The following NBAS variants were observed in gnomAD, a reference collection of about 807,000 sequenced individuals.
NBAS encodes the protein NBAS subunit of NRZ tethering complex, also known as NAG/BC035112 fusion.
A neutral mutation model predicts 302.5 loss-of-function variants in NBAS; 219 were observed. The ratio of observed to expected loss-of-function variants is 0.72; its 90% CI spans 0.65 to 0.81. NBAS has a LOEUF of 0.81. NBAS is among the 30% of genes least tolerant of loss of function. The pLI is 0.00. For missense variants in NBAS, 2,932 were observed against 2,841.6 expected, an observed-to-expected ratio of 1.03 and a Z score of -0.72; for synonymous variants, 1,118 against 1,021.6, an observed-to-expected ratio of 1.09 and a Z score of -1.80.
At chr2:15,241,881 T>C (rs888603599) in intron 44 of NBAS, among the ~76,000 whole-genome samples, 4 of 152,188 alleles carry the variant, frequency 2.6e-5, no homozygotes, top group Non-Finnish European at 5.9e-5. Context: ...TCTGGCTTCG[T>C]GGTATAATTG....
chr2:14,830,079 G>C, the NBAS span, among the ~76,000 whole-genome samples: 137 of 152,198 alleles, frequency 9.0e-4, no homozygotes, highest in Non-Finnish European at 3.2e-4. Context: ...TTTATTTCTT[G>C]ACGATCCCAT....
rs184492998 is a variant in NBAS, at chr2:15,380,490, A to G, written c.3361-659T>C. Among the ~76,000 whole-genome samples, 189 of 152,322 alleles carry G rather than the reference A, an allele frequency of 1.2e-3. No individual in the cohort carries two copies. In the Middle Eastern group the frequency reaches 0.031, roughly 25 times the overall value. ...ACTAAATAGCCACTCCACAAATGCT[A>G]TACTTACAACCAGTCATTAAAATTA... On this transcript the variant is annotated intron_variant, in intron 29 of 51. Transcript: ENST00000281513.
chr2:15,320,410 G>A (rs1348006084), intron 38 of NBAS, among the ~76,000 whole-genome samples: 6 of 152,094 alleles, frequency 3.9e-5, no homozygotes, highest in Non-Finnish European at 7.4e-5. Flanking sequence ...CAATCAGGCA[G>A]GAGAAGGAAA....
At chr2:15,225,581 A>T (rs1299055046) in intron 47 of NBAS, among the ~76,000 whole-genome samples, 1 of 152,248 alleles carries the variant, frequency 6.6e-6, no homozygotes, top group East Asian at 1.9e-4. Context: ...AGAGTTTAAT[A>T]AAGTCTGAAT....
intron 44 of NBAS, among the ~76,000 whole-genome samples, chr2:15,265,326 CCAAT>C (rs1190717563): frequency 2.6e-5 from 4 of 152,098 alleles, no homozygotes; most frequent in Non-Finnish European, 5.9e-5. Flanking sequence ...TGAACTTTGG[CCAAT>C]CACTCTCTAG....
chr2:14,901,973 ACAG>A, the NBAS span, among the ~76,000 whole-genome samples: 2 of 152,188 alleles, frequency 1.3e-5, no homozygotes, highest in African/African-American at 2.4e-5. Flanking sequence ...TCTCGCGATA[ACAG>A]CCTCCCACCA....
At chr2:15,356,026 A>G (rs540429964) in intron 33 of NBAS, among the ~76,000 whole-genome samples, 8 of 152,348 alleles carry the variant, frequency 5.3e-5, no homozygotes, top group African/African-American at 1.9e-4. Flanking sequence ...GCATTGAAAT[A>G]TTTTGCATAA....
At chr2:15,362,351 G>A (rs569393380) in intron 32 of NBAS, among the ~76,000 whole-genome samples, 1 of 122,524 alleles carries the variant, frequency 8.2e-6, no homozygotes, top group East Asian at 2.0e-4. Context: ...AAAGAAAAAT[G>A]TTTCTAATTA....
intron 11 of NBAS, among the ~76,000 whole-genome samples, chr2:15,496,800 T>C (rs919043008): frequency 1.3e-5 from 2 of 152,180 alleles, no homozygotes; most frequent in African/African-American, 4.8e-5. Context: ...GAATCTAGCT[T>C]CATGGAGCCA....
At chr2:14,893,873 C>T in the NBAS span, among the ~76,000 whole-genome samples, 2 of 152,192 alleles carry the variant, frequency 1.3e-5, no homozygotes, top group African/African-American at 2.4e-5. Flanking sequence ...AACAGCTTCC[C>T]ATTGTTGCCA....
intron 47 of NBAS, among the ~76,000 whole-genome samples, chr2:15,220,089 C>A (rs1399365973): frequency 1.3e-5 from 2 of 149,122 alleles, no homozygotes; most frequent in African/African-American, 4.9e-5. Flanking sequence ...GCTGACCCCC[C>A]CCACCTCCCT....
At chr2:15,248,866 G>T (rs1016933519) in intron 44 of NBAS, among the ~76,000 whole-genome samples, 1 of 152,064 alleles carries the variant, frequency 6.6e-6, no homozygotes, top group South Asian at 2.1e-4. Flanking sequence ...ACTCAGAGCC[G>T]AAATCTACCA....
chr2:15,370,963 C>G (rs1448162698), intron 31 of NBAS, among the ~76,000 whole-genome samples: 4 of 152,054 alleles, frequency 2.6e-5, no homozygotes, highest in African/African-American at 9.7e-5. Flanking sequence ...GACATGAGAT[C>G]TAGAAGGGGC....
rs796180817 is a variant in NBAS at position 15,454,909 on chromosome 2, A to ATT, written c.2339+6290_2339+6291dup. On this transcript the variant is annotated intron_variant, in intron 21 of 51. Transcript: ENST00000281513. Reference sequence around the variant, plus strand: ...TCAATACACATAAAACTATACTGCAATTTTTTTTTTTTTTGAGACAGTCTC... The same window carrying ATT: ...TCAATACACATAAAACTATACTGCAATTTTTTTTTTTTTTTTGAGACAGTCTC... Among the ~76,000 whole-genome samples the ATT allele has an allele frequency of 1.6e-3, 195 of 125,134 alleles. 1 individual carries two copies. The highest frequency in any genetic ancestry group is 4.7e-3 in the African/African-American group (176 of 37,640). The allele number at this position is 125,134 out of a possible 152,430, so 82.1% of individuals were successfully genotyped here.
chr2:15,546,633 C>T (rs1484760900), intron 6 of NBAS, among the ~76,000 whole-genome samples: 2 of 152,176 alleles, frequency 1.3e-5, no homozygotes, highest in African/African-American at 2.4e-5. Flanking sequence ...GAGTCTGAGG[C>T]AGGAGAATCA....
the NBAS span, among the ~76,000 whole-genome samples, chr2:15,120,291 A>G: frequency 6.6e-6 from 1 of 152,138 alleles, no homozygotes; most frequent in Non-Finnish European, 1.5e-5. Context: ...TAAATTCTTT[A>G]TTGCATTTAA....
the NBAS span, among the ~76,000 whole-genome samples, chr2:15,131,039 G>A: frequency 2.0e-5 from 3 of 151,962 alleles, no homozygotes; most frequent in Non-Finnish European, 4.4e-5. Context: ...CATATTATAC[G>A]CCAACCCTTT....
the NBAS span, among the ~76,000 whole-genome samples, chr2:15,096,486 C>T: frequency 6.6e-6 from 1 of 152,188 alleles, no homozygotes; most frequent in African/African-American, 2.4e-5. Flanking sequence ...CACAGCAAGA[C>T]CTTTGGTGTT....
chr2:15,324,554 T>C lies in NBAS; in HGVS notation c.4582+3196A>G, dbSNP rs570546376. ...CTTCAGAAGGCCTCTTCACAACACC[T>C]TCTCCCTCAGCTGCCACTCTACAAT... On this transcript the variant is annotated intron_variant, in intron 38 of 51. Transcript: ENST00000281513. 2.2e-3 allele frequency among the ~76,000 whole-genome samples: 330 copies of C among 152,264 alleles called. 2 individuals are homozygous for C. Among genetic ancestry groups the C allele is most frequent in the African/African-American group, 7.7e-3 (318 of 41,562 alleles).
Sources: allele counts gnomAD v4.1 joint callset (sites outside exome capture counted in the v4.1 genomes callset), GRCh38; gene constraint gnomAD v4.1.1; transcripts MANE v1.5; gene names NCBI Gene and HGNC (gene_info 2026-07-23, HGNC 2026-07-21).